The following IGFL2 variants were observed in gnomAD, a reference collection of about 807,000 sequenced individuals.
IGFL2 encodes IGF like family member 2, also known as insulin growth factor-like family member 2.
Under a neutral mutation model 13.9 loss-of-function variants are expected in IGFL2, and 7 were observed. The observed-to-expected ratio is 0.51, with a 90% CI of 0.29 to 0.95. The LOEUF is 0.95. Among genes scored for constraint, IGFL2 ranks in the 40% least tolerant of loss-of-function variants. IGFL2 has a pLI of 0.08. For synonymous variants in IGFL2, 55 were observed against 55.8 expected (o/e 0.99, Z 0.07); for missense variants, 138 against 147.8 (o/e 0.93, Z 0.34).
the IGFL2 span, among the ~76,000 whole-genome samples, chr19:46,168,899 AGTGTGTGTGTGTGTGTATGTGTGT>A: frequency 7.1e-6 from 1 of 140,564 alleles, no homozygotes; most frequent in Non-Finnish European, 1.6e-5. Context: ...CAGTAGATTG[AGTGTGTGTGTGTGTGTATGTGTGT>A]GTGTGTGTGT....
intron 1 of IGFL2, among the ~76,000 whole-genome samples, chr19:46,153,332 G>A (rs545413295): frequency 2.6e-5 from 4 of 152,152 alleles, no homozygotes; most frequent in Non-Finnish European, 5.9e-5. Context: ...ATCCTTGCCA[G>A]CATCTGTTAT....
the IGFL2 span, among the ~76,000 whole-genome samples, chr19:46,192,724 T>C: frequency 6.6e-6 from 1 of 152,192 alleles, no homozygotes. Flanking sequence ...CGGTCTCTTT[T>C]GCTTTTTAAA....
At chr19:46,155,501 G>T (rs908222351) in intron 1 of IGFL2, among the ~76,000 whole-genome samples, 1 of 152,058 alleles carries the variant, frequency 6.6e-6, no homozygotes, top group Admixed American at 6.6e-5. Flanking sequence ...TATGCCCTTA[G>T]GACAATTTCC....
chr19:46,212,737 C>CTCTCTCTCTCTCTCTCCT, the IGFL2 span: 52 of 147,832 alleles, frequency 3.5e-4, no homozygotes, highest in African/African-American at 1.2e-3. Flanking sequence ...CTCTCTCTCT[C>CTCTCTCTCTCTCTCTCCT]CTCTCACTGT....
the IGFL2 span, among the ~76,000 whole-genome samples, chr19:46,103,690 A>G: frequency 3.9e-5 from 6 of 152,172 alleles, no homozygotes; most frequent in African/African-American, 1.2e-4. Flanking sequence ...AGGGATGACA[A>G]GTTTTTGGGG....
the IGFL2 span, chr19:46,124,378 AAAAC>A: frequency 3.6e-4 from 549 of 1,524,648 alleles, 9 homozygotes; most frequent in Middle Eastern, 8.5e-4. Context: ...AAGTATGGAA[AAAAC>A]AAACAAACAA....
chr19:46,159,954 T>G, intron 1 of IGFL2: 1 of 201,110 alleles, frequency 5.0e-6, no homozygotes, highest in Non-Finnish European at 1.0e-5. Flanking sequence ...GGTGACAGAG[T>G]AAGACCCTGT....
At chr19:46,120,169 A>G in the IGFL2 span, 1 of 969,340 alleles carries the variant, frequency 1.0e-6, no homozygotes, top group Non-Finnish European at 1.5e-6. Flanking sequence ...CTTCCCCTGA[A>G]GTCTGGCCAT....
the IGFL2 span, among the ~76,000 whole-genome samples, chr19:46,115,814 A>C: frequency 1.3e-5 from 2 of 152,178 alleles, no homozygotes; most frequent in African/African-American, 4.8e-5. Context: ...AGAGCCACTT[A>C]CCAGCAAAAA....
At chr19:46,143,478 C>T (rs1226565424), upstream of IGFL2, among the ~76,000 whole-genome samples, 2 of 150,758 alleles carry the variant, frequency 1.3e-5, no homozygotes, top group East Asian at 1.9e-4. Context: ...ATGGCTCGCT[C>T]CAGCCTTGAA....
chr19:46,102,485 G>C, the IGFL2 span, among the ~76,000 whole-genome samples: 1 of 152,124 alleles, frequency 6.6e-6, no homozygotes, highest in African/African-American at 2.4e-5. Flanking sequence ...TTAATGGTGG[G>C]GAGGGTGTAT....
the IGFL2 span, chr19:46,180,571 A>G: frequency 1.3e-5 from 2 of 152,228 alleles, no homozygotes. Context: ...ATATGTATAT[A>G]TGAAAGGGAG....
At position 46,160,475 on chromosome 19, in the gene IGFL2, A is replaced by G. The variant is rs1413554636; in HGVS notation, c.73+7A>G. The G allele has an allele frequency of 6.2e-7, 1 of 1,613,566 alleles. No individual in the cohort carries two copies. The highest frequency in any genetic ancestry group is 1.7e-5 in the Admixed American group (1 of 59,988). On this transcript the variant is annotated splice_region_variant and intron_variant, in intron 2 of 3. Transcript: ENST00000377693. ...TGTCCAAGGGAAGTCATCGGTGAGT[A>G]CAAGGATGGGCAAGAGTGAAGAGGA...
At chr19:46,163,073 A>G (rs1568435882), downstream of IGFL2, among the ~76,000 whole-genome samples, 2 of 152,126 alleles carry the variant, frequency 1.3e-5, no homozygotes, top group Admixed American at 6.5e-5. Flanking sequence ...TTAGTAAGGT[A>G]TTATTTATGT....
chr19:46,190,633 C>T, the IGFL2 span, among the ~76,000 whole-genome samples: 2 of 152,184 alleles, frequency 1.3e-5, no homozygotes, highest in African/African-American at 4.8e-5. Flanking sequence ...CTGCAGCCTA[C>T]CACAGACCCT....
At chr19:46,136,893 G>C in the IGFL2 span, 2 of 798,946 alleles carry the variant, frequency 2.5e-6, no homozygotes, top group Non-Finnish European at 4.5e-6. Context: ...ATTGGTACTT[G>C]GTCTAGATTT....
the IGFL2 span, among the ~76,000 whole-genome samples, chr19:46,205,710 C>A: frequency 6.6e-6 from 1 of 152,120 alleles, no homozygotes; most frequent in African/African-American, 2.4e-5. Context: ...TGGTTTGAGA[C>A]AATGAACCTT....
the IGFL2 span, among the ~76,000 whole-genome samples, chr19:46,179,246 CAG>C: frequency 6.9e-6 from 1 of 144,722 alleles, no homozygotes; most frequent in Non-Finnish European, 1.5e-5. Flanking sequence ...CTGTGAGAGG[CAG>C]GGGTGCAGGA....
chr19:46,139,829 A>G (rs1972775074), upstream of IGFL2, among the ~76,000 whole-genome samples: 1 of 151,802 alleles, frequency 6.6e-6, no homozygotes, highest in Non-Finnish European at 1.5e-5. Context: ...ATATGTGTAT[A>G]TGTCTATATA....
Sources: allele counts gnomAD v4.1 joint callset (sites outside exome capture counted in the v4.1 genomes callset), GRCh38; gene constraint gnomAD v4.1.1; transcripts MANE v1.5; gene names NCBI Gene and HGNC (gene_info 2026-07-23, HGNC 2026-07-21).